Variants in GLIS3 observed in about 807,000 individuals in gnomAD.
GLIS3 encodes the protein zinc finger protein GLIS3.
A neutral mutation model predicts 78.6 loss-of-function variants in GLIS3; 53 were observed. That is an observed-to-expected ratio of 0.67 (90% CI 0.54 to 0.85). The LOEUF (loss-of-function observed/expected upper bound fraction) is 0.85. GLIS3 is among the 40% of genes least tolerant of loss of function. The pLI, the probability that GLIS3 is intolerant of heterozygous loss-of-function variation, is 0.00. For missense variants in GLIS3, 1,703 were observed against 1,231.1 expected (o/e 1.38, Z -5.74); for synonymous variants, 684 against 509.9 (o/e 1.34, Z -4.60).
At chr9:3,938,421 TCTTA>T (rs1344800185) in intron 4 of GLIS3, among the ~76,000 whole-genome samples, 2 of 152,182 alleles carry the variant, frequency 1.3e-5, no homozygotes, top group African/African-American at 4.8e-5. Flanking sequence ...TCTTTGGTTC[TCTTA>T]CTTACTATAA....
chr9:3,882,606 C>T lies in GLIS3; in HGVS notation c.2129-3011G>A, dbSNP rs116288961. Among the ~76,000 whole-genome samples the T allele has an allele frequency of 5.5e-3, 832 of 152,316 alleles. 6 individuals are homozygous for T. Among genetic ancestry groups the T allele is most frequent in the African/African-American group, 0.019 (810 of 41,558 alleles). On this transcript the variant is annotated intron_variant, in intron 7 of 10. Transcript: ENST00000381971. Reference sequence around the variant, plus strand: ...ATGCCCTCCAGCTGTGCTGGTTTGACTGACTGCCAGTCAAGCCCACGTCAA... The same window carrying T: ...ATGCCCTCCAGCTGTGCTGGTTTGATTGACTGCCAGTCAAGCCCACGTCAA...
intron 4 of GLIS3, among the ~76,000 whole-genome samples, chr9:4,079,393 T>C (rs2130688105): frequency 6.6e-6 from 1 of 152,316 alleles, no homozygotes; most frequent in African/African-American, 2.4e-5. Context: ...TGCTGCCTCC[T>C]TAAACTGCAG....
intron 6 of GLIS3, among the ~76,000 whole-genome samples, chr9:3,922,093 T>A (rs1217364934): frequency 2.0e-5 from 3 of 152,382 alleles, no homozygotes; most frequent in Middle Eastern, 3.4e-3. Flanking sequence ...GGATATGTAC[T>A]AAGATCTATA....
intron 2 of GLIS3, among the ~76,000 whole-genome samples, chr9:4,177,693 T>A (rs1816932605): frequency 1.3e-5 from 2 of 152,208 alleles, no homozygotes; most frequent in Admixed American, 6.5e-5. Flanking sequence ...TAAGATTGGA[T>A]GAGTTTGGAA....
At chr9:4,014,038 G>A (rs1427979069) in intron 4 of GLIS3, among the ~76,000 whole-genome samples, 1 of 152,236 alleles carries the variant, frequency 6.6e-6, no homozygotes, top group Non-Finnish European at 1.5e-5. Flanking sequence ...AAAATGAAAG[G>A]CAGACAAATT....
At chr9:4,298,087 G>A (rs929781631) in intron 1 of GLIS3, among the ~76,000 whole-genome samples, 62 of 152,160 alleles carry the variant, frequency 4.1e-4, no homozygotes, top group Non-Finnish European at 8.1e-4. Context: ...ACAAACTAGT[G>A]CCGGCTTCCT....
chr9:4,414,397 C>T, the GLIS3 span, among the ~76,000 whole-genome samples: 1 of 152,166 alleles, frequency 6.6e-6, no homozygotes, highest in Non-Finnish European at 1.5e-5. Context: ...AAATCCTAGG[C>T]CCAACACTTA....
chr9:4,144,371 T>C (rs1305049390), intron 2 of GLIS3, among the ~76,000 whole-genome samples: 1 of 152,184 alleles, frequency 6.6e-6, no homozygotes, highest in Non-Finnish European at 1.5e-5. Context: ...TGCATTTTAC[T>C]AAATGCATGA....
intron 2 of GLIS3, among the ~76,000 whole-genome samples, chr9:4,158,581 C>G (rs1267401464): frequency 6.6e-6 from 1 of 152,196 alleles, no homozygotes; most frequent in South Asian, 2.1e-4. Flanking sequence ...GACTTTTCCT[C>G]ATTTTCCTAT....
At chr9:4,007,279 C>T (rs1055797522) in intron 4 of GLIS3, among the ~76,000 whole-genome samples, 1 of 152,096 alleles carries the variant, frequency 6.6e-6, no homozygotes, top group Non-Finnish European at 1.5e-5. Flanking sequence ...TGGCTGCCTT[C>T]CTTCTGATTG....
intron 6 of GLIS3, among the ~76,000 whole-genome samples, chr9:3,905,017 G>C (rs377122418): frequency 3.3e-5 from 5 of 150,380 alleles, no homozygotes; most frequent in African/African-American, 1.2e-4. Context: ...CTGTCTCCCA[G>C]GCCGGAGTGC....
Position 4,083,415 on chromosome 9 carries a change from A to C in GLIS3, c.1710+34353T>G, listed in dbSNP as rs1828726745. Among the ~76,000 whole-genome samples, 3 of 152,268 alleles carry C rather than the reference A, an allele frequency of 2.0e-5. No homozygotes were observed. The South Asian group carries it at 6.2e-4, about 32-fold the overall frequency. ...ACTAGATACATGGAATTTAAATACT[A>C]GGTGAAATGCAGCTCCCAGCCTTGA... On this transcript the variant is annotated intron_variant, in intron 4 of 10. Coordinates refer to ENST00000381971, the MANE Select transcript of GLIS3 (RefSeq NM_001042413.2).
the GLIS3 span, among the ~76,000 whole-genome samples, chr9:4,363,421 G>C: frequency 6.6e-6 from 1 of 152,114 alleles, no homozygotes; most frequent in African/African-American, 2.4e-5. Flanking sequence ...AAGAAGCAAA[G>C]AAGGTTTTCA....
At chr9:4,407,451 C>T in the GLIS3 span, among the ~76,000 whole-genome samples, 537 of 152,304 alleles carry the variant, frequency 3.5e-3, 1 homozygote, top group African/African-American at 0.012. Context: ...CGAGACCATC[C>T]TGGCTAACAC....
chr9:3,989,186 A>G (rs1346601898), intron 4 of GLIS3, among the ~76,000 whole-genome samples: 1 of 152,208 alleles, frequency 6.6e-6, no homozygotes, highest in Non-Finnish European at 1.5e-5. Flanking sequence ...GCAAATTAAA[A>G]CTACAATGAA....
chr9:4,360,955 T>C, the GLIS3 span, among the ~76,000 whole-genome samples: 507 of 152,348 alleles, frequency 3.3e-3, 1 homozygote, highest in Non-Finnish European at 5.7e-3. Context: ...AGCCTCCAAA[T>C]AGCCTTGACC....
chr9:4,251,489 G>A (rs78902477), intron 2 of GLIS3, among the ~76,000 whole-genome samples: 1 of 121,340 alleles, frequency 8.2e-6, no homozygotes, highest in African/African-American at 3.2e-5. Context: ...CCTTTATTTT[G>A]AGCCTATGTG....
chr9:4,322,680 C>A (rs142178390), intron 2 of GLIS3, among the ~76,000 whole-genome samples: 9,247 of 152,202 alleles, frequency 0.061, 922 homozygotes, highest in African/African-American at 0.21. Flanking sequence ...AGCATTTTTT[C>A]ATGTGTCTGT....
intron 4 of GLIS3, among the ~76,000 whole-genome samples, chr9:3,996,595 T>A (rs1209703630): frequency 6.6e-6 from 1 of 152,184 alleles, no homozygotes; most frequent in Non-Finnish European, 1.5e-5. Context: ...ATGGTTATGG[T>A]AGCAAATAAA....
Sources: allele counts gnomAD v4.1 joint callset (sites outside exome capture counted in the v4.1 genomes callset), GRCh38; gene constraint gnomAD v4.1.1; transcripts MANE v1.5; gene names NCBI Gene and HGNC (gene_info 2026-07-23, HGNC 2026-07-21).